Variants in PDE1C observed in about 807,000 individuals in gnomAD.
PDE1C encodes dual specificity calcium/calmodulin-dependent 3',5'-cyclic nucleotide phosphodiesterase 1C.
A neutral mutation model predicts 93.1 loss-of-function variants in PDE1C; 62 were observed. The observed-to-expected ratio is 0.67, with a 90% CI of 0.54 to 0.82. The LOEUF is 0.82. PDE1C is among the 40% of genes least tolerant of loss of function. The probability of loss-of-function intolerance (pLI) is 0.00; values close to 1 mark genes in which losing one functional copy is unlikely to be tolerated. For synonymous variants in PDE1C, 325 were observed against 310.1 expected (o/e 1.05, Z -0.50); for missense variants, 742 against 884.6 (o/e 0.84, Z 2.04).
chr7:31,744,589 C>A, the PDE1C span, among the ~76,000 whole-genome samples: 1 of 152,104 alleles, frequency 6.6e-6, no homozygotes, highest in Admixed American at 6.6e-5. Context: ...AACCTTTGAG[C>A]CACTTAATCA....
At chr7:31,632,201 C>A in the PDE1C span, among the ~76,000 whole-genome samples, 2 of 152,310 alleles carry the variant, frequency 1.3e-5, no homozygotes, top group Admixed American at 1.3e-4. Context: ...GTAATCCCAG[C>A]ACTTTGGGTG....
the PDE1C span, among the ~76,000 whole-genome samples, chr7:31,735,079 T>G: frequency 6.6e-6 from 1 of 152,142 alleles, no homozygotes; most frequent in Non-Finnish European, 1.5e-5. Flanking sequence ...CATAGGTGAT[T>G]TGTAAGCACT....
chr7:31,759,298 G>T (rs1330466345), intron 17 of PDE1C, among the ~76,000 whole-genome samples: 3 of 152,106 alleles, frequency 2.0e-5, no homozygotes, highest in African/African-American at 7.2e-5. Context: ...GGCCTTCTGA[G>T]GGTACCCTCA....
chr7:32,369,152 T>C (rs925005213), intron 1 of PDE1C, among the ~76,000 whole-genome samples: 1 of 152,048 alleles, frequency 6.6e-6, no homozygotes, highest in Non-Finnish European at 1.5e-5. Context: ...TGGGATTGTA[T>C]CAAACTAAAA....
At chr7:31,714,991 G>A in the PDE1C span, among the ~76,000 whole-genome samples, 9 of 152,134 alleles carry the variant, frequency 5.9e-5, no homozygotes, top group African/African-American at 1.9e-4. Context: ...TAAGGCATCT[G>A]CTTTATAAGA....
chr7:31,857,014 C>G (rs1794106748), intron 7 of PDE1C, among the ~76,000 whole-genome samples: 1 of 152,120 alleles, frequency 6.6e-6, no homozygotes, highest in Non-Finnish European at 1.5e-5. Context: ...CTAATCTCCT[C>G]TTTCTCTAAG....
intron 2 of PDE1C, among the ~76,000 whole-genome samples, chr7:32,204,255 A>T (rs1279181686): frequency 2.0e-5 from 3 of 152,304 alleles, no homozygotes; most frequent in Admixed American, 6.5e-5. Flanking sequence ...AAAACTTGTG[A>T]ATTGTTTATT....
At chr7:31,879,634 T>C (rs926496339) in intron 3 of PDE1C, among the ~76,000 whole-genome samples, 26 of 152,254 alleles carry the variant, frequency 1.7e-4, no homozygotes, top group Non-Finnish European at 2.5e-4. Flanking sequence ...TCCTAAGTGA[T>C]GACAATTAAG....
intron 3 of PDE1C, among the ~76,000 whole-genome samples, chr7:32,083,105 A>C (rs905382325): frequency 1.3e-5 from 2 of 152,042 alleles, no homozygotes; most frequent in African/African-American, 4.8e-5. Context: ...AAAACTTTGA[A>C]AAAAATTTAG....
At chr7:32,050,409 A>G (rs1425698111) in intron 2 of PDE1C, among the ~76,000 whole-genome samples, 1 of 152,190 alleles carries the variant, frequency 6.6e-6, no homozygotes, top group Non-Finnish European at 1.5e-5. Context: ...GAGAAATAAA[A>G]GAGGTCATGG....
At chr7:32,088,880 C>G (rs1363595278) in intron 3 of PDE1C, among the ~76,000 whole-genome samples, 1 of 152,210 alleles carries the variant, frequency 6.6e-6, no homozygotes, top group Non-Finnish European at 1.5e-5. Flanking sequence ...GGGTGGCACT[C>G]TAACTTGCCT....
At chr7:32,211,090 T>C (rs1343549453) in intron 1 of PDE1C, among the ~76,000 whole-genome samples, 2 of 151,948 alleles carry the variant, frequency 1.3e-5, no homozygotes, top group Non-Finnish European at 2.9e-5. Flanking sequence ...GCGCCTGTAA[T>C]CCCAGCTACT....
At chr7:32,129,152 A>G (rs1480996200) in intron 3 of PDE1C, among the ~76,000 whole-genome samples, 2 of 151,260 alleles carry the variant, frequency 1.3e-5, no homozygotes, top group Admixed American at 1.3e-4. Context: ...CAGAATTGAC[A>G]TAAAATATCA....
chr7:31,922,770 G>T (rs572978823), intron 2 of PDE1C, among the ~76,000 whole-genome samples: 1 of 152,112 alleles, frequency 6.6e-6, no homozygotes, highest in African/African-American at 2.4e-5. Context: ...TCACTCAGTG[G>T]TTTATAAGAA....
At chr7:31,694,387 A>AACACACACACACACACACACACACAC in the PDE1C span, among the ~76,000 whole-genome samples, 234 of 141,658 alleles carry the variant, frequency 1.7e-3, 1 homozygote, top group African/African-American at 2.3e-3. Context: ...CTCTCTCTCA[A>AACACACACACACACACACACACACAC]ACACACACAC....
At chr7:31,858,692 A>G (rs959318319) in intron 7 of PDE1C, among the ~76,000 whole-genome samples, 17 of 152,148 alleles carry the variant, frequency 1.1e-4, no homozygotes, top group Non-Finnish European at 2.2e-4. Context: ...CATATATGAC[A>G]AGTGTTGCTA....
At chr7:32,186,361 C>A (rs1054345345) in intron 2 of PDE1C, among the ~76,000 whole-genome samples, 1 of 152,086 alleles carries the variant, frequency 6.6e-6, no homozygotes, top group Non-Finnish European at 1.5e-5. Flanking sequence ...CTCGGCCTCC[C>A]AAAGTGCTGG....
chr7:31,886,844 C>CGGATCTTTTCAGAATAGATCTTTTT (rs1797972876), intron 2 of PDE1C, among the ~76,000 whole-genome samples: 4 of 130,670 alleles, frequency 3.1e-5, no homozygotes, highest in Admixed American at 7.4e-5. Context: ...TAGATCTTTT[C>CGGATCTTTTCAGAATAGATCTTTTT]GGATCTTTTC....
At chr7:31,873,009 A>ACC (rs1796130036) in intron 6 of PDE1C, among the ~76,000 whole-genome samples, 2 of 152,136 alleles carry the variant, frequency 1.3e-5, no homozygotes, top group Non-Finnish European at 2.9e-5. Flanking sequence ...CAGAGCCTGA[A>ACC]AGGGAGCTTG....
Sources: allele counts gnomAD v4.1 joint callset (sites outside exome capture counted in the v4.1 genomes callset), GRCh38; gene constraint gnomAD v4.1.1; transcripts MANE v1.5; gene names NCBI Gene and HGNC (gene_info 2026-07-23, HGNC 2026-07-21).